The following PHF21A variants were observed in gnomAD, a reference collection of about 807,000 sequenced individuals.
PHF21A encodes the protein BHC80a.
A neutral mutation model predicts 82.5 loss-of-function variants in PHF21A; 11 were observed. The ratio of observed to expected loss-of-function variants is 0.13; its 90% CI spans 0.08 to 0.22. The LOEUF (loss-of-function observed/expected upper bound fraction) is 0.22. PHF21A is among the 10% of genes least tolerant of loss of function. The probability of loss-of-function intolerance (pLI) is 1.00; values close to 1 mark genes in which losing one functional copy is unlikely to be tolerated. For synonymous variants in PHF21A, 297 were observed against 302.8 expected (o/e 0.98, Z 0.20); for missense variants, 579 against 837.8 (o/e 0.69, Z 3.81).
chr11:46,104,856 A>G (rs1341811929), intron 1 of PHF21A, among the ~76,000 whole-genome samples: 1 of 152,222 alleles, frequency 6.6e-6, no homozygotes, highest in African/African-American at 2.4e-5. Flanking sequence ...GTGAGCTTAA[A>G]TAATTAGTCC....
chr11:46,120,322 A>C (rs1312436785), intron 1 of PHF21A: 2 of 45,992 alleles, frequency 4.3e-5, no homozygotes, highest in East Asian at 1.4e-3. Context: ...GGGGGGATGG[A>C]GGAGCCCCAG....
Position 46,111,475 on chromosome 11 carries a change from C to CAAAT in PHF21A, c.-237+9456_-237+9459dup, listed in dbSNP as rs572155929. On this transcript the variant is annotated intron_variant, in intron 1 of 18. Coordinates refer to ENST00000676320, the MANE Select transcript of PHF21A (RefSeq NM_001352027.3). The stretch of plus-strand genomic sequence containing the variant: ...TGGGCAACATGGCAAGACTCCGTCT[C>CAAAT]AAATAAATAAATAAATAAATAAATA... 3.2e-3 allele frequency among the ~76,000 whole-genome samples: 481 copies of CAAAT among 151,768 alleles called. 4 individuals carry two copies. The highest frequency in any genetic ancestry group is 4.4e-3 in the South Asian group (21 of 4,812).
At chr11:45,951,202 A>G (rs776896405) in intron 11 of PHF21A, among the ~76,000 whole-genome samples, 9 of 152,180 alleles carry the variant, frequency 5.9e-5, no homozygotes, top group Non-Finnish European at 1.3e-4. Context: ...TACATTATCA[A>G]TTTATTTCTC....
intron 3 of PHF21A, among the ~76,000 whole-genome samples, chr11:46,089,708 TA>T (rs1021658727): frequency 3.7e-4 from 56 of 150,058 alleles, no homozygotes; most frequent in Admixed American, 2.5e-3. Context: ...TCCTATGAAA[TA>T]AAAAAATATG....
At chr11:45,972,021 G>C (rs2093790774) in intron 7 of PHF21A, among the ~76,000 whole-genome samples, 1 of 151,234 alleles carries the variant, frequency 6.6e-6, no homozygotes, top group Admixed American at 6.6e-5. Flanking sequence ...AAACATGTTA[G>C]CCAATGAGTA....
intron 6 of PHF21A, among the ~76,000 whole-genome samples, chr11:46,018,257 A>G (rs2137701347): frequency 6.6e-6 from 1 of 152,066 alleles, no homozygotes; most frequent in South Asian, 2.1e-4. Flanking sequence ...CTCAAAAAAA[A>G]AAAAAAAAAA....
chr11:46,056,944 A>T (rs2096465764), intron 6 of PHF21A, among the ~76,000 whole-genome samples: 1 of 152,102 alleles, frequency 6.6e-6, no homozygotes, highest in Non-Finnish European at 1.5e-5. Context: ...AAAACTAATC[A>T]AGTACCTCAG....
intron 1 of PHF21A, among the ~76,000 whole-genome samples, chr11:46,118,591 T>A (rs547431480): frequency 1.3e-5 from 2 of 152,326 alleles, no homozygotes; most frequent in South Asian, 4.1e-4. Context: ...TACACAAAAT[T>A]TCCTCTTTGC....
At chr11:45,962,958 CA>C (rs1199607246) in intron 10 of PHF21A, among the ~76,000 whole-genome samples, 1 of 151,614 alleles carries the variant, frequency 6.6e-6, no homozygotes, top group Non-Finnish European at 1.5e-5. Flanking sequence ...CTTAAGATTT[CA>C]AGGATATCTT....
At chr11:45,958,999 A>G (rs1487126563) in intron 10 of PHF21A, among the ~76,000 whole-genome samples, 2 of 152,216 alleles carry the variant, frequency 1.3e-5, no homozygotes, top group Admixed American at 1.3e-4. Context: ...CAACAACAAC[A>G]AAAATTCCTC....
In PHF21A at chr11:46,087,630, T is replaced by A. The variant is rs79294034; in HGVS notation, c.-84+2825A>T. 1.2e-3 allele frequency among the ~76,000 whole-genome samples: 179 copies of A among 152,296 alleles called. 3 individuals carry two copies. The East Asian group carries it at 0.031, about 26-fold the overall frequency. ...TGCGGAAAGAAACAAATTACAGACA[T>A]GTATTTATAGTTTACAAAAACAAGG... On this transcript the variant is annotated intron_variant, in intron 3 of 18. Coordinates refer to ENST00000676320, the MANE Select transcript of PHF21A (RefSeq NM_001352027.3).
At chr11:46,109,792 C>T (rs951207626) in intron 1 of PHF21A, among the ~76,000 whole-genome samples, 4 of 151,888 alleles carry the variant, frequency 2.6e-5, no homozygotes, top group Admixed American at 6.6e-5. Flanking sequence ...GACCAGTCTA[C>T]CCAACATGGT....
intron 6 of PHF21A, among the ~76,000 whole-genome samples, chr11:46,025,970 T>C (rs1283436584): frequency 6.6e-6 from 1 of 152,184 alleles, no homozygotes; most frequent in African/African-American, 2.4e-5. Context: ...ACTGATACAA[T>C]ACTATTATCT....
At chr11:45,938,958 A>G (rs1396123772) in intron 15 of PHF21A, among the ~76,000 whole-genome samples, 1 of 151,604 alleles carries the variant, frequency 6.6e-6, no homozygotes, top group Non-Finnish European at 1.5e-5. Context: ...CTCAGCCTCC[A>G]GAGTAGCTGG....
chr11:46,057,964 G>A (rs1377437880), intron 6 of PHF21A, among the ~76,000 whole-genome samples: 1 of 152,168 alleles, frequency 6.6e-6, no homozygotes, highest in Non-Finnish European at 1.5e-5. Context: ...TTTGTTTCTG[G>A]TGGAAATTCA....
At chr11:46,113,578 C>T (rs2097250454) in intron 1 of PHF21A, among the ~76,000 whole-genome samples, 1 of 152,038 alleles carries the variant, frequency 6.6e-6, no homozygotes, top group African/African-American at 2.4e-5. Context: ...GCCTGTAATC[C>T]CAACACTTTA....
intron 6 of PHF21A, among the ~76,000 whole-genome samples, chr11:46,027,721 T>C (rs1237662973): frequency 6.6e-6 from 1 of 152,200 alleles, no homozygotes; most frequent in Admixed American, 6.5e-5. Flanking sequence ...ATTGTTCCCA[T>C]ATGGAAAAGC....
chr11:45,974,657 G>A (rs1484516210), intron 7 of PHF21A, among the ~76,000 whole-genome samples: 1 of 151,930 alleles, frequency 6.6e-6, no homozygotes, highest in African/African-American at 2.4e-5. Flanking sequence ...ATCTCGCTAT[G>A]TTGCCCAGGC....
chr11:45,977,108 C>T (rs1209969564), intron 7 of PHF21A, among the ~76,000 whole-genome samples: 1 of 150,534 alleles, frequency 6.6e-6, no homozygotes. Context: ...AAAGGAAAAG[C>T]TATTATATTT....
Sources: allele counts gnomAD v4.1 joint callset (sites outside exome capture counted in the v4.1 genomes callset), GRCh38; gene constraint gnomAD v4.1.1; transcripts MANE v1.5; gene names NCBI Gene and HGNC (gene_info 2026-07-23, HGNC 2026-07-21).